Variants in SH3D19 observed in about 807,000 individuals in gnomAD.
The protein encoded by SH3D19 is SH3 domain containing 19, also known as SH3 domain-containing protein 19.
SH3D19 carries 58 observed loss-of-function variants against 112.1 expected under a neutral mutation model. The ratio of observed to expected loss-of-function variants is 0.52; its 90% CI spans 0.42 to 0.64. The LOEUF (loss-of-function observed/expected upper bound fraction) is 0.64, where lower values mean the gene tolerates loss of function less well. SH3D19 is among the 30% of genes least tolerant of loss of function. The probability of loss-of-function intolerance (pLI) is 0.00; values close to 1 mark genes in which losing one functional copy is unlikely to be tolerated. For missense variants in SH3D19, 1,090 were observed against 1,263.4 expected (o/e 0.86, Z 2.08); for synonymous variants, 391 against 448.5 (o/e 0.87, Z 1.62).
At chr4:151,254,919 T>C (rs1290778222) in intron 1 of SH3D19, among the ~76,000 whole-genome samples, 2 of 147,130 alleles carry the variant, frequency 1.4e-5, no homozygotes, top group South Asian at 2.2e-4. Context: ...GCCCCTCACC[T>C]CCCGGGAGGG....
chr4:151,144,845 A>C (rs961370426), intron 11 of SH3D19, among the ~76,000 whole-genome samples: 1 of 152,142 alleles, frequency 6.6e-6, no homozygotes, highest in Non-Finnish European at 1.5e-5. Flanking sequence ...TTACATCTGT[A>C]CTGGACCTTG....
In SH3D19 at chr4:151,142,796, G is replaced by T. The variant is rs900361529; in HGVS notation, c.2223+1114C>A. Among the ~76,000 whole-genome samples, 4 of 152,148 alleles carry T rather than the reference G, an allele frequency of 2.6e-5. No individual in the cohort carries two copies. The East Asian group carries it at 5.8e-4, about 22-fold the overall frequency. On this transcript the variant is annotated intron_variant, in intron 12 of 19. Coordinates refer to ENST00000604030, the MANE Select transcript of SH3D19 (RefSeq NM_001378122.1). ...GGTAAGTTTTATTTAAAAAAAAAAT[G>T]TAACAATAGCCATGAACCCAGAAGC... is the stretch of plus-strand genomic sequence containing the variant.
intron 6 of SH3D19, among the ~76,000 whole-genome samples, chr4:151,176,240 T>G (rs1370763835): frequency 6.6e-6 from 1 of 152,178 alleles, no homozygotes; most frequent in Non-Finnish European, 1.5e-5. Context: ...TATAAGATCC[T>G]TCTCAGAGGG....
intron 1 of SH3D19, among the ~76,000 whole-genome samples, chr4:151,236,985 G>A (rs1770112949): frequency 6.6e-6 from 1 of 152,206 alleles, no homozygotes; most frequent in South Asian, 2.1e-4. Flanking sequence ...ACCCAAGCCA[G>A]CAGCAGCAAC....
At chr4:151,254,944 G>T (rs74607940) in intron 1 of SH3D19, among the ~76,000 whole-genome samples, 51,131 of 142,528 alleles carry the variant, frequency 0.36, 11,379 homozygotes, top group Non-Finnish European at 0.45. Flanking sequence ...CTGGCCAGGC[G>T]GGGGGCTGAC....
At chr4:151,275,393 T>C (rs932907569) in intron 1 of SH3D19, among the ~76,000 whole-genome samples, 28 of 152,206 alleles carry the variant, frequency 1.8e-4, no homozygotes, top group South Asian at 8.3e-4. Flanking sequence ...AGCCTCAAGA[T>C]ACATTTTTGA....
At chr4:151,269,391 T>C (rs11099800) in intron 1 of SH3D19, among the ~76,000 whole-genome samples, 151,775 of 151,826 alleles carry the variant, frequency 1, 75,862 homozygotes, top group Middle Eastern at 1. Context: ...ATTTTGTAGG[T>C]TGCCTGTTCA....
At chr4:151,235,192 C>A (rs1221727737) in intron 1 of SH3D19, among the ~76,000 whole-genome samples, 1 of 152,084 alleles carries the variant, frequency 6.6e-6, no homozygotes, top group African/African-American at 2.4e-5. Context: ...CTCCTCCCGC[C>A]CTCCACCCTC....
At chr4:151,223,621 T>C (rs1376832110) in intron 2 of SH3D19, among the ~76,000 whole-genome samples, 2 of 152,224 alleles carry the variant, frequency 1.3e-5, no homozygotes, top group Non-Finnish European at 2.9e-5. Context: ...TATCAGCCTC[T>C]GGGTGTTTGA....
intron 2 of SH3D19, among the ~76,000 whole-genome samples, chr4:151,216,274 G>A (rs1004507489): frequency 1.3e-5 from 2 of 152,168 alleles, no homozygotes; most frequent in Non-Finnish European, 2.9e-5. Context: ...CTTCTGTGGC[G>A]TACAGTCCTA....
intron 19 of SH3D19, among the ~76,000 whole-genome samples, 166 bp downstream of exon 19, chr4:151,127,452 A>G (rs927218655): frequency 2.0e-5 from 3 of 152,218 alleles, no homozygotes; most frequent in Admixed American, 6.5e-5. Flanking sequence ...TAACAGGCCT[A>G]TTTGCACTGT....
At chr4:151,195,371 CAAAAAAAAAAAA>C (rs58618820) in intron 2 of SH3D19, among the ~76,000 whole-genome samples, 38 of 66,794 alleles carry the variant, frequency 5.7e-4, no homozygotes, top group African/African-American at 2.6e-3. Flanking sequence ...GACTCTGTCT[CAAAAAAAAAAAA>C]AAAAAAAAAA....
chr4:151,149,525 G>C lies in SH3D19; in HGVS notation c.1792C>G (p.Arg598Gly), dbSNP rs1362796776. Residue 598 changes from arginine (R) to glycine (G), a missense_variant, in exon 10 of 20, where the codon CGA (arginine) becomes GGA (glycine). Coordinates refer to ENST00000604030, the MANE Select transcript of SH3D19 (RefSeq NM_001378122.1). ...NHPGQTGGFV[R>G]VPPRLPPRPV... ...CTCGGTGGCAACCTTGGGGGTACTCGCACAAAACCTCCTGTTTGACCTGGG... is the reference window on the plus strand; with the variant it reads ...CTCGGTGGCAACCTTGGGGGTACTCCCACAAAACCTCCTGTTTGACCTGGG... 6.2e-7 allele frequency: 1 copy of C among 1,610,162 alleles called. No individual in the cohort carries two copies. The highest frequency in any genetic ancestry group is 8.5e-7 in the Non-Finnish European group (1 of 1,178,000).
chr4:151,235,086 GGTTT>G (rs2149960690), intron 1 of SH3D19, among the ~76,000 whole-genome samples: 1 of 152,082 alleles, frequency 6.6e-6, no homozygotes, highest in South Asian at 2.1e-4. Flanking sequence ...TGCATGCGCA[GGTTT>G]GTTACATGTT....
chr4:151,288,032 T>A (rs1774989415), intron 1 of SH3D19, among the ~76,000 whole-genome samples: 1 of 122,392 alleles, frequency 8.2e-6, no homozygotes, highest in Admixed American at 8.9e-5. Context: ...CATATGATCA[T>A]GTCAATAAAT....
intron 19 of SH3D19, among the ~76,000 whole-genome samples, chr4:151,124,667 G>A (rs1026655907): frequency 5.9e-5 from 9 of 151,916 alleles, no homozygotes; most frequent in African/African-American, 2.2e-4. Flanking sequence ...GCAGTGAGCC[G>A]AGATCGCGCC....
chr4:151,273,433 A>G (rs1773361961), intron 1 of SH3D19, among the ~76,000 whole-genome samples: 1 of 151,890 alleles, frequency 6.6e-6, no homozygotes, highest in Non-Finnish European at 1.5e-5. Context: ...TACTAAAAAT[A>G]CAAAAAATTA....
intron 1 of SH3D19, chr4:151,282,437 T>A: frequency 6.2e-7 from 1 of 1,611,476 alleles, no homozygotes; most frequent in Non-Finnish European, 8.5e-7. Flanking sequence ...GAGAGAAGGG[T>A]TGTTTCATAT....
intron 2 of SH3D19, among the ~76,000 whole-genome samples, chr4:151,209,420 A>G (rs1338207426): frequency 6.6e-6 from 1 of 152,020 alleles, no homozygotes; most frequent in Non-Finnish European, 1.5e-5. Flanking sequence ...CTGGGACTAC[A>G]GGTGCTCACC....
Sources: gnomAD v4.1 joint callset for allele counts (sites outside exome capture counted in the v4.1 genomes callset) on GRCh38, gnomAD v4.1.1 for gene constraint, MANE v1.5 for transcripts, NCBI Gene and HGNC (gene_info 2026-07-23, HGNC 2026-07-21) for gene names.